Variants in KLHL1 observed in about 807,000 individuals in gnomAD.
The protein encoded by KLHL1 is kelch like family member 1, also known as kelch-like protein 1.
A neutral mutation model predicts 77.7 loss-of-function variants in KLHL1; 47 were observed. The ratio of observed to expected loss-of-function variants is 0.60; its 90% CI spans 0.48 to 0.77. The LOEUF (loss-of-function observed/expected upper bound fraction) is 0.77, where lower values mean the gene tolerates loss of function less well. Among genes scored for constraint, KLHL1 ranks in the 30% least tolerant of loss-of-function variants. The probability of loss-of-function intolerance (pLI) is 0.00; values close to 1 mark genes in which losing one functional copy is unlikely to be tolerated. For synonymous variants in KLHL1, 360 were observed against 325.2 expected, an observed-to-expected ratio of 1.11 and a Z score of -1.15; for missense variants, 925 against 910.8, an observed-to-expected ratio of 1.02 and a Z score of -0.20.
rs1316396420 is a variant in KLHL1, at chr13:69,754,014, TG to T, written c.1640-13459del. On this transcript the variant is annotated intron_variant, in intron 7 of 10. Coordinates refer to ENST00000377844, the MANE Select transcript of KLHL1 (RefSeq NM_020866.3). ...ACCATGCCTGGCTAATTTTTTTTTT[TG>T]TTTTTAGTAGAGATGGGGGTGTACC... Among the ~76,000 whole-genome samples the T allele has an allele frequency of 6.8e-5, 10 of 147,230 alleles. No individual in the cohort carries two copies. The East Asian group carries it at 1.4e-3, about 20-fold the overall frequency.
chr13:69,736,004 G>T (rs1162092731), intron 8 of KLHL1, among the ~76,000 whole-genome samples: 1 of 151,964 alleles, frequency 6.6e-6, no homozygotes, highest in Non-Finnish European at 1.5e-5. Context: ...CACTTTTTAT[G>T]AGCAAATTCA....
chr13:69,988,107 C>T (rs1191810000), intron 1 of KLHL1, among the ~76,000 whole-genome samples: 1 of 151,832 alleles, frequency 6.6e-6, no homozygotes, highest in Non-Finnish European at 1.5e-5. Context: ...GGAACCTCTC[C>T]TTCCTCCCAT....
At chr13:69,803,940 G>T (rs930913579) in intron 6 of KLHL1, among the ~76,000 whole-genome samples, 2 of 152,192 alleles carry the variant, frequency 1.3e-5, no homozygotes, top group African/African-American at 4.8e-5. Context: ...TTTCAGCCTT[G>T]TGTGATCTTG....
In KLHL1 at chr13:69,880,537, A is replaced by G. The variant is rs867156935; in HGVS notation, c.1227+1746T>C. On this transcript the variant is annotated intron_variant, in intron 5 of 10. Transcript: ENST00000377844. ...ATATTTTATATCTTAATTTTAATAA[A>G]TATTACTTCACTAAGCAAGATAAAG... Among the ~76,000 whole-genome samples, 5 of 152,284 alleles carry G rather than the reference A, an allele frequency of 3.3e-5. No individual in the cohort carries two copies. In the South Asian group the frequency reaches 1.0e-3, roughly 32 times the overall value.
chr13:69,816,161 A>C (rs1385856440), intron 6 of KLHL1, among the ~76,000 whole-genome samples: 1 of 152,018 alleles, frequency 6.6e-6, no homozygotes, highest in Non-Finnish European at 1.5e-5. Flanking sequence ...TGATGTTCAC[A>C]TCTAAATCAG....
At chr13:69,921,557 C>G (rs1205371486) in intron 4 of KLHL1, among the ~76,000 whole-genome samples, 1 of 152,144 alleles carries the variant, frequency 6.6e-6, no homozygotes, top group Admixed American at 6.6e-5. Flanking sequence ...CGTGGCCATA[C>G]CAACGCATTG....
chr13:69,815,233 A>T (rs1878069934), intron 6 of KLHL1, among the ~76,000 whole-genome samples: 1 of 152,196 alleles, frequency 6.6e-6, no homozygotes, highest in African/African-American at 2.4e-5. Context: ...AAATCATTCT[A>T]CTAAAACGAC....
At chr13:69,760,203 C>T (rs1477884972) in intron 7 of KLHL1, among the ~76,000 whole-genome samples, 1 of 152,142 alleles carries the variant, frequency 6.6e-6, no homozygotes, top group East Asian at 1.9e-4. Flanking sequence ...AAAGCATACT[C>T]TCTGCCTAGA....
chr13:69,994,690 T>G (rs534322254), intron 1 of KLHL1, among the ~76,000 whole-genome samples: 2 of 152,208 alleles, frequency 1.3e-5, no homozygotes, highest in South Asian at 4.2e-4. Flanking sequence ...ATTGGTATGG[T>G]TCTACTTACC....
At chr13:69,963,735 A>T (rs1884134724) in intron 2 of KLHL1, among the ~76,000 whole-genome samples, 1 of 152,046 alleles carries the variant, frequency 6.6e-6, no homozygotes, top group African/African-American at 2.4e-5. Flanking sequence ...TAAAAGAAGA[A>T]CATAAAATAT....
intron 1 of KLHL1, among the ~76,000 whole-genome samples, chr13:70,105,601 T>C (rs1888034648): frequency 1.3e-5 from 2 of 151,394 alleles, no homozygotes; most frequent in Admixed American, 1.3e-4. Flanking sequence ...TCCTTTTGAA[T>C]ATATAAGGTG....
At chr13:69,729,159 C>T (rs55682423) in intron 8 of KLHL1, among the ~76,000 whole-genome samples, 37 of 152,244 alleles carry the variant, frequency 2.4e-4, no homozygotes, top group African/African-American at 8.7e-4. Flanking sequence ...CACCACACAT[C>T]GACGTTTATT....
At chr13:69,800,869 C>T (rs1208246130) in intron 6 of KLHL1, among the ~76,000 whole-genome samples, 2 of 152,024 alleles carry the variant, frequency 1.3e-5, no homozygotes, top group Non-Finnish European at 2.9e-5. Flanking sequence ...AGATTACAAA[C>T]AGAATACAAG....
intron 3 of KLHL1, among the ~76,000 whole-genome samples, chr13:69,952,572 T>TA (rs1883743929): frequency 6.6e-6 from 1 of 151,314 alleles, no homozygotes; most frequent in Non-Finnish European, 1.5e-5. Flanking sequence ...ATAGCCATAA[T>TA]ATGCAGAGAT....
At chr13:69,712,798 T>C (rs1407425647) in intron 9 of KLHL1, among the ~76,000 whole-genome samples, 1 of 150,052 alleles carries the variant, frequency 6.7e-6, no homozygotes, top group African/African-American at 2.4e-5. Flanking sequence ...TTTGTTTGCT[T>C]ATTTGTTTTT....
At chr13:69,968,424 T>C (rs560908167) in intron 2 of KLHL1, among the ~76,000 whole-genome samples, 1 of 150,632 alleles carries the variant, frequency 6.6e-6, no homozygotes, top group South Asian at 2.1e-4. Flanking sequence ...CGATAGTCAC[T>C]TCATTATGGT....
chr13:69,921,717 T>G (rs1375643108), intron 4 of KLHL1, among the ~76,000 whole-genome samples: 1 of 152,176 alleles, frequency 6.6e-6, no homozygotes, highest in Non-Finnish European at 1.5e-5. Context: ...TTTTTCAAAT[T>G]TTAGTTGAGG....
At chr13:69,878,214 A>G (rs1235115168) in intron 5 of KLHL1, among the ~76,000 whole-genome samples, 1 of 152,100 alleles carries the variant, frequency 6.6e-6, no homozygotes, top group African/African-American at 2.4e-5. Context: ...TACAGATTAC[A>G]TGGTTTAACA....
At chr13:69,968,821 T>C (rs1884297587) in intron 2 of KLHL1, among the ~76,000 whole-genome samples, 1 of 152,082 alleles carries the variant, frequency 6.6e-6, no homozygotes, top group Non-Finnish European at 1.5e-5. Context: ...CCTATCATTG[T>C]TGGACATTTG....
Sources: allele counts gnomAD v4.1 joint callset (sites outside exome capture counted in the v4.1 genomes callset), GRCh38; gene constraint gnomAD v4.1.1; transcripts MANE v1.5; gene names NCBI Gene and HGNC (gene_info 2026-07-23, HGNC 2026-07-21).